SLC35F1: variants seen among roughly 807,000 people sequenced by gnomAD.
SLC35F1 encodes chromosome 6 open reading frame 169.
Under a neutral mutation model 48.7 loss-of-function variants are expected in SLC35F1, and 14 were observed. The ratio of observed to expected loss-of-function variants is 0.29; its 90% confidence interval spans 0.19 to 0.45. The LOEUF is 0.45. Ranked by LOEUF, SLC35F1 falls within the 20% of genes least tolerant of loss-of-function variation. SLC35F1 has a pLI of 1.00. For synonymous variants in SLC35F1, 190 were observed against 202.2 expected, an observed-to-expected ratio of 0.94 and a Z score of 0.51; for missense variants, 404 against 500.0, an observed-to-expected ratio of 0.81 and a Z score of 1.83.
intron 1 of SLC35F1, among the ~76,000 whole-genome samples, chr6:118,015,069 A>G (rs919355550): frequency 6.6e-6 from 1 of 152,168 alleles, no homozygotes; most frequent in Non-Finnish European, 1.5e-5. Context: ...TTATAAGGGG[A>G]AACCCCTTTT....
chr6:118,300,953 G>A (rs4946335), intron 7 of SLC35F1, among the ~76,000 whole-genome samples: 13 of 152,160 alleles, frequency 8.5e-5, no homozygotes, highest in Non-Finnish European at 1.3e-4. Flanking sequence ...AGACATTCCA[G>A]GTGCAGGAAT....
chr6:117,940,653 T>G (rs149411112), intron 1 of SLC35F1, among the ~76,000 whole-genome samples: 153 of 151,550 alleles, frequency 1.0e-3, no homozygotes, highest in African/African-American at 1.6e-3. Context: ...TTCTTTTTTT[T>G]TGTGTGTGTG....
At chr6:118,078,424 A>C (rs1341986806) in intron 1 of SLC35F1, among the ~76,000 whole-genome samples, 1 of 152,230 alleles carries the variant, frequency 6.6e-6, no homozygotes, top group East Asian at 1.9e-4. Flanking sequence ...GGAAATGATG[A>C]AGGGGAAAAA....
chr6:118,023,201 C>T (rs1777419931), intron 1 of SLC35F1, among the ~76,000 whole-genome samples: 1 of 152,104 alleles, frequency 6.6e-6, no homozygotes, highest in Non-Finnish European at 1.5e-5. Context: ...TTCTGAAGAT[C>T]AAAGTAAGGT....
chr6:118,038,614 A>T (rs942790770), intron 1 of SLC35F1, among the ~76,000 whole-genome samples: 1 of 151,474 alleles, frequency 6.6e-6, no homozygotes, highest in South Asian at 2.1e-4. Context: ...TTACTTCTAA[A>T]TATTTTATTA....
intron 7 of SLC35F1, among the ~76,000 whole-genome samples, chr6:118,312,797 TG>T (rs752112588): frequency 6.6e-5 from 10 of 152,244 alleles, no homozygotes; most frequent in Non-Finnish European, 1.5e-4. Flanking sequence ...ACTATAGCCT[TG>T]TAACTTACTT....
chr6:118,273,993 C>T (rs1215910265), intron 4 of SLC35F1, among the ~76,000 whole-genome samples: 1 of 152,178 alleles, frequency 6.6e-6, no homozygotes, highest in Non-Finnish European at 1.5e-5. Context: ...TGTGAAGCCA[C>T]TGATTCTTTG....
intron 1 of SLC35F1, among the ~76,000 whole-genome samples, chr6:117,966,888 A>G (rs1562250681): frequency 6.6e-6 from 1 of 152,190 alleles, no homozygotes; most frequent in Non-Finnish European, 1.5e-5. Context: ...GGACTTCAAC[A>G]TGTGAATTGT....
chr6:118,081,157 A>G (rs7756527), intron 1 of SLC35F1, among the ~76,000 whole-genome samples: 95,926 of 151,888 alleles, frequency 0.63, 33,665 homozygotes, highest in Middle Eastern at 0.8. Context: ...AGGGTTGTTC[A>G]TTGAGGTTTT....
chr6:118,136,621 A>G (rs573153898), intron 1 of SLC35F1, among the ~76,000 whole-genome samples: 5 of 152,328 alleles, frequency 3.3e-5, no homozygotes, highest in African/African-American at 1.2e-4. Context: ...CTTCCAAAGC[A>G]GCTCAGCAGT....
chr6:118,290,113 C>A (rs1776102466), intron 7 of SLC35F1, among the ~76,000 whole-genome samples: 1 of 152,066 alleles, frequency 6.6e-6, no homozygotes, highest in South Asian at 2.1e-4. Context: ...TTTAACAACC[C>A]TTAATTATTG....
rs535002511 is a variant in SLC35F1 at position 117,956,526 on chromosome 6, G to A, written c.173+48627G>A. On this transcript the variant is annotated intron_variant, in intron 1 of 7. Transcript: ENST00000360388. The stretch of plus-strand genomic sequence containing the variant: ...CTTTACTAGGCAACGCGGGGACAGT[G>A]CCTGGAATCTAGTCAGTTCATTGAT... Among the ~76,000 whole-genome samples the A allele has an allele frequency of 1.2e-4, 18 of 152,318 alleles. 1 individual carries two copies. Among genetic ancestry groups the A allele is most frequent in the South Asian group, 1.0e-3 (5 of 4,826 alleles).
intron 1 of SLC35F1, among the ~76,000 whole-genome samples, chr6:117,940,176 C>T (rs1038648769): frequency 1.3e-5 from 2 of 152,166 alleles, no homozygotes; most frequent in Admixed American, 1.3e-4. Context: ...TCTTTCTGTG[C>T]TGATTGCTTT....
At chr6:118,268,228 A>C (rs922881773) in intron 4 of SLC35F1, among the ~76,000 whole-genome samples, 4 of 152,134 alleles carry the variant, frequency 2.6e-5, no homozygotes, top group Non-Finnish European at 5.9e-5. Context: ...CAAAGCAGAG[A>C]CTGGAACACA....
At chr6:117,964,418 A>G (rs571373838) in intron 1 of SLC35F1, among the ~76,000 whole-genome samples, 3 of 152,208 alleles carry the variant, frequency 2.0e-5, no homozygotes, top group Non-Finnish European at 4.4e-5. Context: ...CTAGTGACCT[A>G]AGTAGCTTGG....
intron 2 of SLC35F1, among the ~76,000 whole-genome samples, chr6:118,180,165 A>G (rs1296938618): frequency 2.0e-5 from 3 of 152,150 alleles, no homozygotes; most frequent in African/African-American, 7.2e-5. Flanking sequence ...ATGAATTTAA[A>G]ACCACTGAAG....
At chr6:118,105,988 T>A (rs1418409462) in intron 1 of SLC35F1, among the ~76,000 whole-genome samples, 1 of 152,214 alleles carries the variant, frequency 6.6e-6, no homozygotes. Context: ...AATAAATATT[T>A]CAGTGTTGCC....
chr6:118,216,932 G>A (rs1582734881), intron 2 of SLC35F1, among the ~76,000 whole-genome samples: 2 of 152,118 alleles, frequency 1.3e-5, no homozygotes, highest in East Asian at 1.9e-4. Context: ...GTGGCCTTAA[G>A]TTGAGTTAGA....
chr6:118,017,408 G>C (rs1295911771), intron 1 of SLC35F1, among the ~76,000 whole-genome samples: 1 of 152,190 alleles, frequency 6.6e-6, no homozygotes, highest in Non-Finnish European at 1.5e-5. Context: ...GGACTTATCA[G>C]CAATATTTAG....
Sources: allele counts gnomAD v4.1 joint callset (sites outside exome capture counted in the v4.1 genomes callset), GRCh38; gene constraint gnomAD v4.1.1; transcripts MANE v1.5; gene names NCBI Gene and HGNC (gene_info 2026-07-23, HGNC 2026-07-21).